PRIM2: variants seen among roughly 807,000 people sequenced by gnomAD.
PRIM2 encodes the protein DNA primase large subunit.
In PRIM2, 39 loss-of-function variants were observed where a neutral mutation model predicts 67.3. The observed-to-expected ratio is 0.58, with a 90% CI of 0.45 to 0.76. The LOEUF is 0.76. Ranked by LOEUF, PRIM2 falls within the 30% of genes least tolerant of loss-of-function variation. The pLI is 0.00. For missense variants in PRIM2, 398 were observed against 598.7 expected, an observed-to-expected ratio of 0.66 and a Z score of 3.50; for synonymous variants, 143 against 198.7, an observed-to-expected ratio of 0.72 and a Z score of 2.36.
chr6:57,464,204 C>T (rs35540079), intron 7 of PRIM2, among the ~76,000 whole-genome samples: 1 of 152,094 alleles, frequency 6.6e-6, no homozygotes, highest in African/African-American at 2.4e-5. Context: ...TTGATTAGTC[C>T]GTTCCTTCCC....
At chr6:57,488,876 T>C (rs1773813548) in intron 7 of PRIM2, among the ~76,000 whole-genome samples, 1 of 152,198 alleles carries the variant, frequency 6.6e-6, no homozygotes, top group East Asian at 1.9e-4. Context: ...TGAACAACCC[T>C]GTTCTCTCCT....
chr6:57,495,534 A>G (rs1554346298), intron 7 of PRIM2, among the ~76,000 whole-genome samples: 3 of 152,218 alleles, frequency 2.0e-5, no homozygotes, highest in Non-Finnish European at 4.4e-5. Context: ...TGGGGCTACC[A>G]TTCTTGAATT....
the PRIM2 span, among the ~76,000 whole-genome samples, chr6:57,301,628 C>A: frequency 6.6e-6 from 1 of 152,118 alleles, no homozygotes; most frequent in Non-Finnish European, 1.5e-5. Flanking sequence ...ATGGTGAAAC[C>A]CCATCTCTAC....
chr6:57,606,509 C>G, intron 12 of PRIM2, 52 bp downstream of exon 12: 7 of 1,417,524 alleles, frequency 4.9e-6, no homozygotes, highest in Non-Finnish European at 6.9e-6. Flanking sequence ...TTAGATAGAT[C>G]TCTCGGTTTT....
At chr6:57,616,519 T>C (rs1776760385) in intron 12 of PRIM2, among the ~76,000 whole-genome samples, 2 of 152,246 alleles carry the variant, frequency 1.3e-5, no homozygotes, top group South Asian at 4.1e-4. Flanking sequence ...GTAATTCTTA[T>C]GTACCTAAAC....
At chr6:57,300,306 T>G in the PRIM2 span, among the ~76,000 whole-genome samples, 1 of 152,196 alleles carries the variant, frequency 6.6e-6, no homozygotes, top group Non-Finnish European at 1.5e-5. Flanking sequence ...CCAGGAACTT[T>G]AGCCCCTCTT....
At chr6:57,482,986 A>G (rs1376627528) in intron 7 of PRIM2, among the ~76,000 whole-genome samples, 2 of 152,080 alleles carry the variant, frequency 1.3e-5, no homozygotes, top group Non-Finnish European at 2.9e-5. Flanking sequence ...CTCTGCTCAC[A>G]GCAGCCTCCG....
At chr6:57,399,441 T>C (rs564719073) in intron 7 of PRIM2, among the ~76,000 whole-genome samples, 28 of 152,358 alleles carry the variant, frequency 1.8e-4, no homozygotes, top group Admixed American at 1.0e-3. Context: ...AGTCTATCAT[T>C]GATGGACATT....
At chr6:57,309,119 A>C in the PRIM2 span, among the ~76,000 whole-genome samples, 11 of 151,008 alleles carry the variant, frequency 7.3e-5, no homozygotes, top group East Asian at 1.6e-3. Flanking sequence ...GGTACTTGAG[A>C]TTAGGGAGTG....
At chr6:57,589,876 G>T in intron 10 of PRIM2, among the ~76,000 whole-genome samples, 1 of 152,206 alleles carries the variant, frequency 6.6e-6, no homozygotes, top group African/African-American at 2.4e-5. Context: ...ATAAAGAGCA[G>T]GGAAAAAATT....
intron 7 of PRIM2, among the ~76,000 whole-genome samples, chr6:57,483,055 G>A (rs1773667873): frequency 6.6e-6 from 1 of 152,042 alleles, no homozygotes; most frequent in Non-Finnish European, 1.5e-5. Context: ...GATTACAGGT[G>A]TGACACCACG....
chr6:57,297,377 G>A, the PRIM2 span, among the ~76,000 whole-genome samples: 1 of 152,156 alleles, frequency 6.6e-6, no homozygotes, highest in Non-Finnish European at 1.5e-5. Context: ...GGGAGGTGAA[G>A]GTTGCAGTGA....
chr6:57,237,772 T>C, the PRIM2 span, among the ~76,000 whole-genome samples: 1 of 152,218 alleles, frequency 6.6e-6, no homozygotes, highest in African/African-American at 2.4e-5. Flanking sequence ...TCCATTGGTC[T>C]ATATCTCTGT....
intron 10 of PRIM2, among the ~76,000 whole-genome samples, chr6:57,600,456 C>T (rs1776444107): frequency 6.6e-6 from 1 of 151,596 alleles, no homozygotes; most frequent in South Asian, 2.1e-4. Context: ...CCCCCCAGCC[C>T]AAGTGATAAT....
chr6:57,232,876 T>G, the PRIM2 span, among the ~76,000 whole-genome samples: 1 of 152,196 alleles, frequency 6.6e-6, no homozygotes, highest in Admixed American at 6.5e-5. Context: ...TGGATGCTTT[T>G]GGGATGGATT....
chr6:57,452,128 G>A (rs866285672), intron 7 of PRIM2, among the ~76,000 whole-genome samples: 1 of 151,912 alleles, frequency 6.6e-6, no homozygotes, highest in Admixed American at 6.6e-5. Flanking sequence ...TTTTTTTATG[G>A]CTGCATAGTA....
the PRIM2 span, among the ~76,000 whole-genome samples, chr6:57,273,326 C>G: frequency 3.3e-5 from 5 of 152,142 alleles, no homozygotes; most frequent in Admixed American, 6.5e-5. Flanking sequence ...TTGTTCATTT[C>G]TTTTTATTCT....
intron 9 of PRIM2, among the ~76,000 whole-genome samples, chr6:57,535,169 GTGGGTCTTGAATGATGACTTGGCTT>G (rs1774979010): frequency 6.6e-6 from 1 of 151,466 alleles, no homozygotes; most frequent in Non-Finnish European, 1.5e-5. Context: ...AGAAATTGAG[GTGGGTCTTGAATGATGACTTGGCTT>G]TGGCTACATG....
intron 5 of PRIM2, among the ~76,000 whole-genome samples, chr6:57,344,534 A>G (rs937306632): frequency 2.0e-5 from 3 of 152,118 alleles, no homozygotes; most frequent in African/African-American, 7.2e-5. Flanking sequence ...AAATGAAGGC[A>G]TTAACACAGG....
Sources: allele counts gnomAD v4.1 joint callset (sites outside exome capture counted in the v4.1 genomes callset), GRCh38; gene constraint gnomAD v4.1.1; transcripts MANE v1.5; gene names NCBI Gene and HGNC (gene_info 2026-07-23, HGNC 2026-07-21).